The following THAP10 variants were observed in gnomAD, a reference collection of about 807,000 sequenced individuals.
THAP10 encodes the protein THAP domain-containing protein 10.
A neutral mutation model predicts 15.7 loss-of-function variants in THAP10; 10 were observed. The ratio of observed to expected loss-of-function variants is 0.64; its 90% confidence interval spans 0.39 to 1.08. The LOEUF is 1.08. THAP10 is among the 50% of genes least tolerant of loss of function. The probability of loss-of-function intolerance (pLI) is 0.01; values close to 1 mark genes in which losing one functional copy is unlikely to be tolerated. For missense variants in THAP10, 310 were observed against 330.9 expected (o/e 0.94, Z 0.49); for synonymous variants, 127 against 129.1 (o/e 0.98, Z 0.11).
chr15:70,888,838 T>C lies in THAP10; in HGVS notation c.429+3006A>G, dbSNP rs1595983285. Among the ~76,000 whole-genome samples the C allele has an allele frequency of 3.3e-5, 5 of 152,140 alleles. No individual in the cohort carries two copies. In the South Asian group the frequency reaches 1.0e-3, roughly 32 times the overall value. ...ACTGAAGGCTACCTAAATATCCAAT[T>C]AATATTTGAAAAGGTGTTTCCTTAC... is the stretch of plus-strand genomic sequence containing the variant. On this transcript the variant is annotated intron_variant, in intron 1 of 2. Coordinates refer to ENST00000249861, the MANE Select transcript of THAP10 (RefSeq NM_020147.4).
intron 1 of THAP10, among the ~76,000 whole-genome samples, chr15:70,888,185 C>A (rs978786172): frequency 6.6e-6 from 1 of 152,102 alleles, no homozygotes; most frequent in Non-Finnish European, 1.5e-5. Context: ...CAAATCAATT[C>A]TGAAATGTAT....
At chr15:70,890,168 A>G (rs2033514701) in intron 1 of THAP10, among the ~76,000 whole-genome samples, 1 of 152,002 alleles carries the variant, frequency 6.6e-6, no homozygotes, top group Non-Finnish European at 1.5e-5. Context: ...CCAATTTTTG[A>G]TTAGGTTGTG....
chr15:70,890,979 A>G (rs1002078829), intron 1 of THAP10, among the ~76,000 whole-genome samples: 1 of 152,194 alleles, frequency 6.6e-6, no homozygotes, highest in African/African-American at 2.4e-5. Context: ...ATGCCATTAA[A>G]GGGTCTTAAA....
chr15:70,890,701 A>G (rs1228411802), intron 1 of THAP10, among the ~76,000 whole-genome samples: 1 of 152,200 alleles, frequency 6.6e-6, no homozygotes, highest in Admixed American at 6.5e-5. Context: ...GCTGATTTTT[A>G]AGGGAAAAAG....
Position 70,891,950 on chromosome 15 carries a change from C to A in THAP10, c.323G>T (p.Arg108Leu), listed in dbSNP as rs888735676. 6.2e-7 allele frequency: 1 copy of A among 1,613,624 alleles called. No homozygotes were observed. Among genetic ancestry groups the A allele is most frequent in the Non-Finnish European group, 8.5e-7 (1 of 1,179,868 alleles). The change falls in exon 1 of 3, where the codon CGC becomes CTC. Residue 108 changes from arginine to leucine, a missense_variant. Arg to Leu is a moderately radical substitution (Grantham distance 102). Coordinates refer to ENST00000249861, the MANE Select transcript of THAP10 (RefSeq NM_020147.4). ...CTGGAGCTCTCCTCGCGTGTCCAGG[C>A]GGCCTGCTTGGTCTCCCTCCTCTCC... ...KRGEEGDQAG[R>L]LDTRGELQAA...
chr15:70,891,993 CGGGCACCCGGTGCAGGGT>C lies in THAP10; in HGVS notation c.262_279del (p.Thr88_Pro93del), dbSNP rs757765786. 1 of 1,612,994 alleles carries C rather than the reference CGGGCACCCGGTGCAGGGT, an allele frequency of 6.2e-7. No homozygotes were observed. Among genetic ancestry groups the C allele is most frequent in the African/African-American group, 1.3e-5 (1 of 74,934 alleles). On this transcript the variant is annotated inframe_deletion, in exon 1 of 3. Transcript: ENST00000249861. ...TCCTCTCCCCTCTTAGGTGCCGGGG[CGGGCACCCGGTGCAGGGT>C]GGGCACGGCGCCTGCCACCAGCCTC...
chr15:70,884,805 T>C (rs2033362283), intron 1 of THAP10, among the ~76,000 whole-genome samples: 1 of 152,154 alleles, frequency 6.6e-6, no homozygotes, highest in African/African-American at 2.4e-5. Context: ...ATAACAATAA[T>C]ACATTTTTTA....
At chr15:70,887,342 G>A (rs919384617) in intron 1 of THAP10, among the ~76,000 whole-genome samples, 23 of 151,912 alleles carry the variant, frequency 1.5e-4, no homozygotes, top group African/African-American at 5.1e-4. Flanking sequence ...AGTTTCACTC[G>A]TGCACACAGA....
At chr15:70,891,521 C>A (rs1206841419) in intron 1 of THAP10, among the ~76,000 whole-genome samples, 1 of 151,432 alleles carries the variant, frequency 6.6e-6, no homozygotes, top group Non-Finnish European at 1.5e-5. Context: ...TTTAAAAACT[C>A]TGGAGCAGCG....
chr15:70,884,796 TAAC>T (rs2033362203), intron 1 of THAP10, among the ~76,000 whole-genome samples: 1 of 152,146 alleles, frequency 6.6e-6, no homozygotes, highest in Non-Finnish European at 1.5e-5. Flanking sequence ...ATTCCCTTTA[TAAC>T]AATAATACAT....
intron 1 of THAP10, among the ~76,000 whole-genome samples, chr15:70,886,233 G>C (rs2141087898): frequency 6.6e-6 from 1 of 152,148 alleles, no homozygotes. Context: ...AATTAATTGG[G>C]CTTAATTTAG....
Position 70,882,904 on chromosome 15 carries a change from G to A in THAP10, c.434C>T (p.Thr145Met), listed in dbSNP as rs372754529. Residue 145 changes from threonine (T) to methionine (M), a missense_variant, in exon 2 of 3, where the codon ACG (threonine) becomes ATG (methionine). By Grantham distance (81) the Thr-to-Met change is moderately conservative. Transcript: ENST00000249861. ...AGKQAAASQI[T>M]CENELVQTQP... is the part of the protein sequence containing the mutation. The stretch of plus-strand genomic sequence containing the variant: ...GGTTTGCACAAGTTCATTTTCACAC[G>A]TAATCTAAAAATACAAATCAGAGGA... 45 of 1,613,558 alleles carry A rather than the reference G, an allele frequency of 2.8e-5. No homozygotes were observed. In the African/African-American group the frequency reaches 2.8e-4, roughly 10 times the overall value.
In THAP10 at chr15:70,892,288, T is replaced by C. The variant is rs1300756444; in HGVS notation, c.-16A>G. On this transcript the variant is annotated 5_prime_UTR_variant, in exon 1 of 3. Transcript: ENST00000249861. Reference sequence around the variant, plus strand: ...GGGCCGGCATGGCGGCCGTCTTCGGTGCGCGGGAGCCGGGTTCCCTGGACC... The same window carrying C: ...GGGCCGGCATGGCGGCCGTCTTCGGCGCGCGGGAGCCGGGTTCCCTGGACC... 1 of 1,554,004 alleles carries C rather than the reference T, an allele frequency of 6.4e-7. No homozygotes were observed. Among genetic ancestry groups the C allele is most frequent in the Non-Finnish European group, 8.7e-7 (1 of 1,148,658 alleles).
chr15:70,884,534 A>G (rs1225574361), intron 1 of THAP10, among the ~76,000 whole-genome samples: 4 of 151,842 alleles, frequency 2.6e-5, no homozygotes, highest in Non-Finnish European at 5.9e-5. Flanking sequence ...ACACACATAT[A>G]TACACACAGA....
At chr15:70,886,996 C>T (rs1021903144) in intron 1 of THAP10, among the ~76,000 whole-genome samples, 4 of 151,984 alleles carry the variant, frequency 2.6e-5, no homozygotes, top group Admixed American at 2.0e-4. Flanking sequence ...TGTGTCAATA[C>T]ATTTAAAAAT....
At position 70,892,266 on chromosome 15, in the gene THAP10, C is replaced by T. The variant is rs1473043473; in HGVS notation, c.7G>A (p.Ala3Thr). 2 of 1,568,544 alleles carry T rather than the reference C, an allele frequency of 1.3e-6. No homozygotes were observed. Among genetic ancestry groups the T allele is most frequent in the East Asian group, 2.4e-5 (1 of 42,260 alleles). Residue 3 changes from alanine to threonine, a missense_variant, in exon 1 of 3, where the codon GCC becomes ACC. Physicochemically the swap from Ala to Thr is moderately conservative, Grantham distance 58. Coordinates refer to ENST00000249861, the MANE Select transcript of THAP10 (RefSeq NM_020147.4). MP[A>T]RCVAAHCGNT... ...CCGCAGTGGGCGGCCACACAACGGG[C>T]CGGCATGGCGGCCGTCTTCGGTGCG...
rs1031166361 is a variant in THAP10 at position 70,882,207 on chromosome 15, A to C, written c.*247T>G. The C allele has an allele frequency of 2.7e-6, 1 of 372,408 alleles. No homozygotes were observed. Among genetic ancestry groups the C allele is most frequent in the Non-Finnish European group, 4.8e-6 (1 of 208,758 alleles). 23.1% of individuals were successfully genotyped at this position (372,408 alleles called of 1,614,324 possible). ...GCTGATATTGTGGTTTTGCTTTGTA[A>C]CCTGATTTCTACCAAAAGGATTAAA... On this transcript the variant is annotated 3_prime_UTR_variant, in exon 3 of 3. Transcript: ENST00000249861.
intron 1 of THAP10, among the ~76,000 whole-genome samples, chr15:70,888,583 TTTAAGTA>T (rs1481236562): frequency 2.6e-5 from 4 of 152,126 alleles, no homozygotes; most frequent in South Asian, 4.1e-4. Context: ...AGTAAAATGT[TTTAAGTA>T]TTAAGAATAA....
At chr15:70,886,287 C>T (rs1041915739) in intron 1 of THAP10, among the ~76,000 whole-genome samples, 2 of 152,090 alleles carry the variant, frequency 1.3e-5, no homozygotes, top group African/African-American at 4.8e-5. Context: ...CACAAAATAT[C>T]TCTAACATAG....
Sources: gnomAD v4.1 joint callset for allele counts (sites outside exome capture counted in the v4.1 genomes callset) on GRCh38, gnomAD v4.1.1 for gene constraint, MANE v1.5 for transcripts, NCBI Gene and HGNC (gene_info 2026-07-23, HGNC 2026-07-21) for gene names.